The following PCDHA11 variants were observed in gnomAD, a reference collection of about 807,000 sequenced individuals.
The protein encoded by PCDHA11 is protocadherin alpha 11.
Under a neutral mutation model 70.3 loss-of-function variants are expected in PCDHA11, and 61 were observed. The ratio of observed to expected loss-of-function variants is 0.87; its 90% CI spans 0.71 to 1.07. The LOEUF is 1.07. PCDHA11 is among the 50% of genes least tolerant of loss of function. PCDHA11 has a pLI of 0.00. For synonymous variants in PCDHA11, 633 were observed against 555.1 expected (o/e 1.14, Z -1.97); for missense variants, 1,324 against 1,237.5 (o/e 1.07, Z -1.05).
chr5:140,897,312 T>G (rs1367286366), intron 1 of PCDHA11, among the ~76,000 whole-genome samples: 12 of 150,180 alleles, frequency 8.0e-5, no homozygotes, highest in Non-Finnish European at 1.6e-4. Context: ...TAGGTATATC[T>G]CCTAAAGCTA....
At chr5:140,984,398 A>T (rs1377930175) in intron 3 of PCDHA11, among the ~76,000 whole-genome samples, 1 of 152,142 alleles carries the variant, frequency 6.6e-6, no homozygotes, top group Non-Finnish European at 1.5e-5. Flanking sequence ...AAATGTTGAG[A>T]ACCTATCTTT....
At chr5:140,949,234 A>C (rs2094354068) in intron 1 of PCDHA11, among the ~76,000 whole-genome samples, 1 of 151,820 alleles carries the variant, frequency 6.6e-6, no homozygotes, top group South Asian at 2.1e-4. Flanking sequence ...TCTGTGGCCC[A>C]GCAACAGTCT....
intron 1 of PCDHA11, among the ~76,000 whole-genome samples, chr5:140,956,811 C>T (rs1349300314): frequency 6.6e-6 from 1 of 152,108 alleles, no homozygotes; most frequent in African/African-American, 2.4e-5. Context: ...TTTATTATTG[C>T]TTCAATTTGT....
intron 1 of PCDHA11, among the ~76,000 whole-genome samples, chr5:140,917,311 G>T (rs2078013594): frequency 6.7e-6 from 1 of 148,748 alleles, no homozygotes; most frequent in Non-Finnish European, 1.5e-5. Flanking sequence ...GTTACAATTT[G>T]GTGTTCATGT....
intron 3 of PCDHA11, among the ~76,000 whole-genome samples, chr5:140,985,666 A>G (rs547448150): frequency 1.3e-5 from 2 of 151,942 alleles, no homozygotes; most frequent in South Asian, 4.2e-4. Flanking sequence ...GAATAAAGGA[A>G]GTGGGGCCTG....
chr5:140,915,882 C>T lies in PCDHA11; in HGVS notation c.2391+44388C>T, dbSNP rs181276676. Among the ~76,000 whole-genome samples, 3 of 152,314 alleles carry T rather than the reference C, an allele frequency of 2.0e-5. No homozygotes were observed. In the East Asian group the frequency reaches 5.8e-4, roughly 29 times the overall value. ...GTTTGCATCCTTCCCTTTAGGGTAG[C>T]AAGTTCCCCCTGGCCCTGGGCAGGC... On this transcript the variant is annotated intron_variant, in intron 1 of 3. Coordinates refer to ENST00000398640, the MANE Select transcript of PCDHA11 (RefSeq NM_018902.5).
intron 1 of PCDHA11, among the ~76,000 whole-genome samples, chr5:140,907,117 T>G (rs2073177882): frequency 6.6e-6 from 1 of 152,156 alleles, no homozygotes; most frequent in Non-Finnish European, 1.5e-5. Context: ...ACCCCTTGAT[T>G]CCTGGACCTG....
chr5:140,877,144 G>C, intron 1 of PCDHA11: 2 of 1,613,772 alleles, frequency 1.2e-6, no homozygotes, highest in South Asian at 1.1e-5. Context: ...CGTGCTGGAC[G>C]AGAACGACAA....
intron 1 of PCDHA11, among the ~76,000 whole-genome samples, chr5:140,898,910 C>G (rs1313149642): frequency 6.6e-6 from 1 of 152,040 alleles, no homozygotes; most frequent in African/African-American, 2.4e-5. Context: ...CTTCACGTCC[C>G]TTGTAAGTTG....
chr5:140,899,981 G>T (rs929559514), intron 1 of PCDHA11, among the ~76,000 whole-genome samples: 3 of 151,734 alleles, frequency 2.0e-5, no homozygotes, highest in African/African-American at 7.3e-5. Flanking sequence ...CTACTTTTTT[G>T]ATTTTTTTTG....
chr5:140,942,532 A>G (rs1474733493), intron 1 of PCDHA11, among the ~76,000 whole-genome samples: 2 of 152,142 alleles, frequency 1.3e-5, no homozygotes, highest in Non-Finnish European at 2.9e-5. Context: ...CAACTAACTC[A>G]GTATGGTGGG....
In PCDHA11 at chr5:141,011,172, A is replaced by G. The variant is rs377766708; in HGVS notation, c.*1235A>G. On this transcript the variant is annotated 3_prime_UTR_variant, in exon 4 of 4. Transcript: ENST00000398640. ...TCTAACCAACTATATATCAAGACCC[A>G]AAAATTGAAGAAAAATATTGTTTTC... 53 of 153,852 alleles carry G rather than the reference A, an allele frequency of 3.4e-4. No individual in the cohort carries two copies. Among genetic ancestry groups the G allele is most frequent in the African/African-American group, 1.2e-3 (51 of 41,568 alleles). 9.5% of individuals were successfully genotyped at this position (153,852 alleles called of 1,614,324 possible).
At chr5:140,999,033 G>A (rs1029128098) in intron 3 of PCDHA11, among the ~76,000 whole-genome samples, 6 of 152,148 alleles carry the variant, frequency 3.9e-5, no homozygotes, top group African/African-American at 1.4e-4. Context: ...TTGATACTTC[G>A]TCCAGTGTGC....
At chr5:140,883,971 C>G in intron 1 of PCDHA11, 1 of 1,613,030 alleles carries the variant, frequency 6.2e-7, no homozygotes. Context: ...CTGCTGACGC[C>G]CGGGGCTGGC....
chr5:140,982,701 T>C, intron 3 of PCDHA11, 138 bp downstream of exon 3: 1 of 1,383,086 alleles, frequency 7.2e-7, no homozygotes, highest in South Asian at 1.6e-5. Flanking sequence ...CATACATGAT[T>C]TCCTTACATA....
At chr5:140,926,519 C>T (rs2083298131) in intron 1 of PCDHA11, 1 of 204,364 alleles carries the variant, frequency 4.9e-6, no homozygotes, top group Non-Finnish European at 9.7e-6. Flanking sequence ...AGGCTCCGCC[C>T]TGCGCCCGCA....
intron 1 of PCDHA11, chr5:140,875,985 G>A (rs1351463699): frequency 4.3e-6 from 7 of 1,613,830 alleles, no homozygotes; most frequent in South Asian, 1.1e-5. Flanking sequence ...TGACCTATGC[G>A]TTAAGTCTAA....
At chr5:140,919,355 A>C (rs2079096245) in intron 1 of PCDHA11, among the ~76,000 whole-genome samples, 1 of 152,174 alleles carries the variant, frequency 6.6e-6, no homozygotes, top group South Asian at 2.1e-4. Flanking sequence ...TTGAATCTAA[A>C]AGTGTCTCCT....
intron 1 of PCDHA11, among the ~76,000 whole-genome samples, chr5:140,976,855 G>A (rs946538789): frequency 9.9e-5 from 15 of 152,142 alleles, no homozygotes; most frequent in Non-Finnish European, 1.5e-4. Flanking sequence ...CTTTCATAGA[G>A]TTTACTGTCT....
Sources: gnomAD v4.1 joint callset for allele counts (sites outside exome capture counted in the v4.1 genomes callset) on GRCh38, gnomAD v4.1.1 for gene constraint, MANE v1.5 for transcripts, NCBI Gene and HGNC (gene_info 2026-07-23, HGNC 2026-07-21) for gene names.